C8orf34: variants seen among roughly 807,000 people sequenced by gnomAD.
The protein encoded by C8orf34 is uncharacterized protein C8orf34.
A neutral mutation model predicts 68.3 loss-of-function variants in C8orf34; 65 were observed. That is an observed-to-expected ratio of 0.95 (90% CI 0.78 to 1.17). C8orf34 has a LOEUF of 1.17. C8orf34 is among the 50% of genes most tolerant of loss of function. The pLI is 0.00. For synonymous variants in C8orf34, 244 were observed against 241.2 expected, an observed-to-expected ratio of 1.01 and a Z score of -0.11; for missense variants, 664 against 655.4, an observed-to-expected ratio of 1.01 and a Z score of -0.14.
At chr8:68,769,101 C>T (rs2129528293) in intron 10 of C8orf34, among the ~76,000 whole-genome samples, 1 of 152,084 alleles carries the variant, frequency 6.6e-6, no homozygotes, top group East Asian at 1.9e-4. Flanking sequence ...TATTGTCAGG[C>T]ATGCAGTGCA....
intron 10 of C8orf34, among the ~76,000 whole-genome samples, chr8:68,747,476 C>A (rs1410884123): frequency 6.8e-6 from 1 of 146,486 alleles, no homozygotes; most frequent in African/African-American, 2.6e-5. Context: ...GATTGTATAT[C>A]TAGAAAACCC....
intron 10 of C8orf34, among the ~76,000 whole-genome samples, chr8:68,763,386 A>G (rs951479096): frequency 5.3e-5 from 8 of 151,892 alleles, no homozygotes; most frequent in Non-Finnish European, 1.2e-4. Flanking sequence ...AAGACCATTT[A>G]CTCTGATGGG....
chr8:68,700,225 A>G (rs1820949615), intron 8 of C8orf34, among the ~76,000 whole-genome samples: 1 of 152,138 alleles, frequency 6.6e-6, no homozygotes, highest in South Asian at 2.1e-4. Flanking sequence ...TAGTGTTGGA[A>G]ATTTTTCTTG....
At chr8:68,564,415 A>G (rs1310841685) in intron 7 of C8orf34, among the ~76,000 whole-genome samples, 5 of 152,220 alleles carry the variant, frequency 3.3e-5, no homozygotes, top group African/African-American at 4.8e-5. Context: ...TTGGCAAATA[A>G]TTTTGAGTTG....
At chr8:68,659,219 T>C (rs1044967707) in intron 8 of C8orf34, among the ~76,000 whole-genome samples, 5 of 152,208 alleles carry the variant, frequency 3.3e-5, no homozygotes, top group Admixed American at 6.5e-5. Context: ...TTCTGTGTCA[T>C]TGAGCCATCC....
At chr8:68,769,809 A>G (rs945846999) in intron 10 of C8orf34, among the ~76,000 whole-genome samples, 3 of 152,222 alleles carry the variant, frequency 2.0e-5, no homozygotes, top group Non-Finnish European at 4.4e-5. Context: ...GAAAACAAAT[A>G]TTAATTAAAA....
intron 7 of C8orf34, among the ~76,000 whole-genome samples, chr8:68,545,646 C>A (rs1464324935): frequency 6.6e-6 from 1 of 151,936 alleles, no homozygotes; most frequent in Non-Finnish European, 1.5e-5. Context: ...AAATATTGTT[C>A]AAAATGATGG....
Position 68,360,289 on chromosome 8 carries a change from T to C in C8orf34, c.327+28950T>C, listed in dbSNP as rs189611400. On this transcript the variant is annotated intron_variant, in intron 1 of 13. Coordinates refer to ENST00000518698, the MANE Select transcript of C8orf34 (RefSeq NM_052958.4). Reference sequence around the variant, plus strand: ...TGGTCCCAACCCCATTCATTTTATGTGTGGTTGATACATTGACCATTCCAA... The same window carrying C: ...TGGTCCCAACCCCATTCATTTTATGCGTGGTTGATACATTGACCATTCCAA... Among the ~76,000 whole-genome samples the C allele has an allele frequency of 2.9e-3, 435 of 152,300 alleles. 1 individual carries two copies. The highest frequency in any genetic ancestry group is 0.01 in the African/African-American group (425 of 41,552).
chr8:68,432,289 A>G (rs928243401), intron 1 of C8orf34, among the ~76,000 whole-genome samples: 1 of 151,814 alleles, frequency 6.6e-6, no homozygotes, highest in East Asian at 1.9e-4. Flanking sequence ...TGCCTATCAG[A>G]CTCAATAAAT....
At chr8:68,388,026 G>T (rs1226046395) in intron 1 of C8orf34, among the ~76,000 whole-genome samples, 2 of 152,016 alleles carry the variant, frequency 1.3e-5, no homozygotes, top group African/African-American at 4.8e-5. Context: ...GTGTTACAGT[G>T]GTTCTTGATT....
intron 7 of C8orf34, among the ~76,000 whole-genome samples, chr8:68,613,716 T>A (rs1282177928): frequency 6.6e-6 from 1 of 151,766 alleles, no homozygotes; most frequent in East Asian, 1.9e-4. Flanking sequence ...TGGTTCCAAG[T>A]CTTTGCTATT....
intron 2 of C8orf34, among the ~76,000 whole-genome samples, chr8:68,440,721 G>A (rs1394351039): frequency 6.6e-6 from 1 of 152,050 alleles, no homozygotes; most frequent in African/African-American, 2.4e-5. Context: ...ACGCAGATCA[G>A]TTGAGCATCT....
chr8:68,565,594 G>A (rs1038617958), intron 7 of C8orf34, among the ~76,000 whole-genome samples: 2 of 151,964 alleles, frequency 1.3e-5, no homozygotes, highest in African/African-American at 4.8e-5. Flanking sequence ...TAAAATAATG[G>A]TGACAGCAGA....
intron 1 of C8orf34, among the ~76,000 whole-genome samples, chr8:68,378,054 TGGG>T (rs1807879409): frequency 6.6e-6 from 1 of 152,106 alleles, no homozygotes; most frequent in African/African-American, 2.4e-5. Flanking sequence ...ACCCTCGACA[TGGG>T]GGGATTATGG....
At position 68,663,175 on chromosome 8, in the gene C8orf34, A is replaced by C. The variant is rs114183554; in HGVS notation, c.1241+22664A>C. On this transcript the variant is annotated intron_variant, in intron 8 of 13. Coordinates refer to ENST00000518698, the MANE Select transcript of C8orf34 (RefSeq NM_052958.4). ...AAGCTTATTCTTGTTTGTCCAGACC[A>C]CCTCATCATAACTTAGGCTTTTCCT... Among the ~76,000 whole-genome samples the C allele has an allele frequency of 5.4e-3, 827 of 152,272 alleles. 9 individuals carry two copies. The highest frequency in any genetic ancestry group is 0.019 in the African/African-American group (788 of 41,558).
chr8:68,350,853 A>T (rs767451644), intron 1 of C8orf34, among the ~76,000 whole-genome samples: 8 of 151,924 alleles, frequency 5.3e-5, no homozygotes, highest in Non-Finnish European at 1.0e-4. Context: ...TATGAATGTC[A>T]TTACACTTGA....
intron 8 of C8orf34, among the ~76,000 whole-genome samples, chr8:68,707,539 G>A (rs1184302835): frequency 1.3e-5 from 2 of 152,182 alleles, no homozygotes; most frequent in South Asian, 4.2e-4. Context: ...GCTTCTTTCT[G>A]TCTTTGTTGG....
At chr8:68,525,956 CTTTTTTTTTTT>C in intron 6 of C8orf34, 1 of 177,726 alleles carries the variant, frequency 5.6e-6, no homozygotes, top group South Asian at 6.1e-5. Flanking sequence ...TTCTTTCTTT[CTTTTTTTTTTT>C]TTTTTTTTTG....
intron 3 of C8orf34, among the ~76,000 whole-genome samples, chr8:68,451,547 T>G (rs1811345429): frequency 1.3e-5 from 2 of 152,018 alleles, no homozygotes; most frequent in African/African-American, 4.8e-5. Context: ...ATTTCAAAAT[T>G]GTTGTGTTTC....
Sources: allele counts gnomAD v4.1 joint callset (sites outside exome capture counted in the v4.1 genomes callset), GRCh38; gene constraint gnomAD v4.1.1; transcripts MANE v1.5; gene names NCBI Gene and HGNC (gene_info 2026-07-23, HGNC 2026-07-21).